Variants in WDR7 observed in about 807,000 individuals in gnomAD.
WDR7 encodes WD repeat-containing protein 7.
WDR7 carries 46 observed loss-of-function variants against 169.4 expected under a neutral mutation model. That is an observed-to-expected ratio of 0.27 (90% CI 0.21 to 0.35). WDR7 has a LOEUF of 0.35. Among genes scored for constraint, WDR7 ranks in the 10% least tolerant of loss-of-function variants. The pLI is 1.00. For synonymous variants in WDR7, 612 were observed against 666.8 expected, an observed-to-expected ratio of 0.92 and a Z score of 1.27; for missense variants, 1,534 against 1,859.3, an observed-to-expected ratio of 0.83 and a Z score of 3.22.
At chr18:56,700,615 G>C (rs2025811567) in intron 12 of WDR7, among the ~76,000 whole-genome samples, 1 of 144,008 alleles carries the variant, frequency 6.9e-6, no homozygotes, top group East Asian at 2.0e-4. Context: ...TGTCGCCCAG[G>C]CTGGAGTGCA....
intron 21 of WDR7, among the ~76,000 whole-genome samples, chr18:56,917,317 C>A (rs1488311914): frequency 2.6e-5 from 4 of 151,964 alleles, no homozygotes; most frequent in African/African-American, 9.7e-5. Flanking sequence ...AGTGAAATAG[C>A]AATATAAAAG....
chr18:56,817,609 A>G (rs2045002296), intron 20 of WDR7, among the ~76,000 whole-genome samples: 1 of 152,168 alleles, frequency 6.6e-6, no homozygotes, highest in African/African-American at 2.4e-5. Flanking sequence ...TTTAGTGTGT[A>G]AGTTCATTGA....
At chr18:56,777,877 C>T (rs557292249) in intron 17 of WDR7, among the ~76,000 whole-genome samples, 4 of 152,066 alleles carry the variant, frequency 2.6e-5, no homozygotes, top group South Asian at 4.2e-4. Context: ...ATGTTAAGAC[C>T]GAATTTTAGC....
chr18:56,687,422 T>C (rs1036134114), intron 7 of WDR7, among the ~76,000 whole-genome samples: 2 of 152,238 alleles, frequency 1.3e-5, no homozygotes, highest in Non-Finnish European at 2.9e-5. Flanking sequence ...CAGACTTTAA[T>C]ATTTCCATAA....
At chr18:56,788,419 A>G (rs2044434964) in intron 19 of WDR7, among the ~76,000 whole-genome samples, 1 of 151,990 alleles carries the variant, frequency 6.6e-6, no homozygotes, top group South Asian at 2.1e-4. Flanking sequence ...AGCAGCTTTT[A>G]CCCTGATTTC....
At chr18:56,964,849 G>T (rs2047385201) in intron 26 of WDR7, among the ~76,000 whole-genome samples, 1 of 152,084 alleles carries the variant, frequency 6.6e-6, no homozygotes, top group Non-Finnish European at 1.5e-5. Context: ...TGAAAACAAG[G>T]CTAAATCTCT....
chr18:56,674,177 C>A (rs557612), intron 2 of WDR7, among the ~76,000 whole-genome samples: 139,713 of 152,202 alleles, frequency 0.92, 65,293 homozygotes, highest in East Asian at 1. Flanking sequence ...ATGGTAGGTA[C>A]CTCTATGTTT....
intron 19 of WDR7, among the ~76,000 whole-genome samples, chr18:56,784,108 C>T (rs961078341): frequency 5.9e-5 from 9 of 152,196 alleles, no homozygotes; most frequent in Non-Finnish European, 1.0e-4. Context: ...ATTGCCATCA[C>T]GGCCTGCCTC....
chr18:56,965,390 A>T (rs2047394647), intron 26 of WDR7, among the ~76,000 whole-genome samples: 1 of 151,952 alleles, frequency 6.6e-6, no homozygotes, highest in Non-Finnish European at 1.5e-5. Flanking sequence ...GTAAAAGATA[A>T]AGGAAAAATT....
intron 26 of WDR7, among the ~76,000 whole-genome samples, chr18:56,975,279 G>A (rs371309912): frequency 1.3e-5 from 2 of 152,138 alleles, no homozygotes; most frequent in African/African-American, 2.4e-5. Flanking sequence ...TCCCTGAGTA[G>A]GTGTTCTGTG....
chr18:56,959,829 T>A (rs1255089101), intron 25 of WDR7, among the ~76,000 whole-genome samples: 1 of 152,138 alleles, frequency 6.6e-6, no homozygotes, highest in Non-Finnish European at 1.5e-5. Flanking sequence ...AGACCTTACA[T>A]AGAGGACTTA....
intron 16 of WDR7, among the ~76,000 whole-genome samples, chr18:56,764,189 G>A (rs1279662728): frequency 6.6e-6 from 1 of 151,938 alleles, no homozygotes; most frequent in Non-Finnish European, 1.5e-5. Context: ...TTTCCCCTAA[G>A]TATTATTTTA....
intron 12 of WDR7, among the ~76,000 whole-genome samples, chr18:56,703,263 GGCTAATGTTCACA>G (rs1254617932): frequency 6.6e-6 from 1 of 152,122 alleles, no homozygotes; most frequent in Non-Finnish European, 1.5e-5. Context: ...ATACCAGTGT[GGCTAATGTTCACA>G]GCCAGTAAGG....
chr18:56,773,347 T>G (rs981631792), intron 16 of WDR7, among the ~76,000 whole-genome samples: 3 of 152,162 alleles, frequency 2.0e-5, no homozygotes, highest in Non-Finnish European at 2.9e-5. Flanking sequence ...AGAGAAGTTT[T>G]TTTTTTTATC....
At chr18:56,766,605 G>A (rs556346824) in intron 16 of WDR7, among the ~76,000 whole-genome samples, 1 of 152,058 alleles carries the variant, frequency 6.6e-6, no homozygotes, top group South Asian at 2.1e-4. Context: ...GCCTAGGTTG[G>A]TCTTGAACCC....
At chr18:56,694,538 A>G in intron 9 of WDR7, 81 bp from the exon 10 acceptor site, 2 of 1,393,246 alleles carry the variant, frequency 1.4e-6, no homozygotes, top group Non-Finnish European at 2.0e-6. Context: ...ATTACCTAAT[A>G]TCTTTGTTTG....
At chr18:56,707,675 C>T (rs12954089) in intron 12 of WDR7, among the ~76,000 whole-genome samples, 110,205 of 151,928 alleles carry the variant, frequency 0.73, 44,114 homozygotes, top group East Asian at 0.96. Context: ...AACATGACCC[C>T]AGATGATCAA....
intron 12 of WDR7, among the ~76,000 whole-genome samples, chr18:56,701,656 T>C (rs941138803): frequency 1.1e-4 from 17 of 152,290 alleles, no homozygotes; most frequent in Non-Finnish European, 2.2e-4. Context: ...TTAGAAACTT[T>C]TTTTTAAAAA....
chr18:56,853,837 AT>A (rs1336821418), intron 20 of WDR7, among the ~76,000 whole-genome samples: 8 of 152,198 alleles, frequency 5.3e-5, no homozygotes, highest in African/African-American at 1.7e-4. Context: ...TCCTCTTAAC[AT>A]TGTATTACAA....
Sources: gnomAD v4.1 joint callset for allele counts (sites outside exome capture counted in the v4.1 genomes callset) on GRCh38, gnomAD v4.1.1 for gene constraint, MANE v1.5 for transcripts, NCBI Gene and HGNC (gene_info 2026-07-23, HGNC 2026-07-21) for gene names.